The following ZNF638 variants were observed in gnomAD, a reference collection of about 807,000 sequenced individuals.
ZNF638 encodes zinc finger protein 638.
A neutral mutation model predicts 195.6 loss-of-function variants in ZNF638; 46 were observed. The ratio of observed to expected loss-of-function variants is 0.24; its 90% CI spans 0.19 to 0.30. The LOEUF is 0.30. ZNF638 is among the 10% of genes least tolerant of loss of function. The pLI, the probability that ZNF638 is intolerant of heterozygous loss-of-function variation, is 1.00. For missense variants in ZNF638, 2,440 were observed against 2,325.3 expected, an observed-to-expected ratio of 1.05 and a Z score of -1.01; for synonymous variants, 845 against 772.0, an observed-to-expected ratio of 1.09 and a Z score of -1.57.
intron 11 of ZNF638, among the ~76,000 whole-genome samples, chr2:71,396,845 G>T (rs919603081): frequency 2.6e-5 from 4 of 152,174 alleles, no homozygotes; most frequent in African/African-American, 9.7e-5. Context: ...TACTGGGAAG[G>T]CTGGGGCAGG....
chr2:71,377,860 T>C (rs759717486), intron 8 of ZNF638, among the ~76,000 whole-genome samples: 10 of 152,228 alleles, frequency 6.6e-5, no homozygotes, highest in Non-Finnish European at 1.5e-4. Context: ...AGTTTAACTA[T>C]ACAAAGAAAT....
At chr2:71,386,470 C>T (rs1259017331) in intron 10 of ZNF638, among the ~76,000 whole-genome samples, 1 of 152,070 alleles carries the variant, frequency 6.6e-6, no homozygotes, top group Non-Finnish European at 1.5e-5. Flanking sequence ...TGAGAATATG[C>T]ATCAACACCT....
chr2:71,396,111 A>G (rs2079888241), intron 10 of ZNF638, 30 bp from the exon 11 acceptor site: 1 of 1,598,338 alleles, frequency 6.3e-7, no homozygotes, highest in East Asian at 2.2e-5. Flanking sequence ...TTTGTAATGT[A>G]GTACTTAAAT....
chr2:71,393,016 GATA>G (rs774656035), intron 10 of ZNF638, among the ~76,000 whole-genome samples: 7 of 152,126 alleles, frequency 4.6e-5, no homozygotes, highest in Non-Finnish European at 7.3e-5. Flanking sequence ...AATTAAAACT[GATA>G]ATAATCTGGC....
intron 1 of ZNF638, among the ~76,000 whole-genome samples, chr2:71,335,748 G>C (rs1032244872): frequency 1.3e-5 from 2 of 152,100 alleles, no homozygotes; most frequent in African/African-American, 4.8e-5. Flanking sequence ...GTGTTTAGAA[G>C]AAAACATGCA....
intron 21 of ZNF638, among the ~76,000 whole-genome samples, chr2:71,420,404 G>T (rs776884450): frequency 2.0e-5 from 3 of 152,170 alleles, no homozygotes; most frequent in South Asian, 2.1e-4. Flanking sequence ...CCACAAATAA[G>T]AATGCTAAGT....
At chr2:71,422,501 T>A (rs1456017748) in intron 21 of ZNF638, among the ~76,000 whole-genome samples, 1 of 152,222 alleles carries the variant, frequency 6.6e-6, no homozygotes, top group Non-Finnish European at 1.5e-5. Flanking sequence ...ATTTGAAGTG[T>A]CTCAGATTCA....
intron 4 of ZNF638, among the ~76,000 whole-genome samples, chr2:71,363,578 T>A (rs1304673647): frequency 6.6e-6 from 1 of 152,228 alleles, no homozygotes; most frequent in African/African-American, 2.4e-5. Flanking sequence ...GCATAATCTT[T>A]CAGGAAAAAA....
At chr2:71,386,873 C>CT (rs896057050) in intron 10 of ZNF638, among the ~76,000 whole-genome samples, 3 of 150,748 alleles carry the variant, frequency 2.0e-5, no homozygotes, top group Admixed American at 6.6e-5. Context: ...TTCTTTTCTT[C>CT]TTTTTTTTCT....
chr2:71,426,868 T>A lies in ZNF638; in HGVS notation c.4999T>A (p.Ser1667Thr). ...HSEPKDVTVL[S>T]VAEEQDLLKQ... ...TGAACCTAAAGATGTTACTGTTCTG[T>A]CAGTGGCTGAAGAACAAGATCTCCT... Residue 1667 changes from serine to threonine, a missense_variant, in exon 24 of 28, where the codon TCA (serine) becomes ACA (threonine). Around this residue, in one of 5 missense-constraint regions of ZNF638, gnomAD observed 1,883 missense variants for 1,739.1 expected, o/e 1.08. Transcript: ENST00000264447. The A allele has an allele frequency of 6.2e-7, 1 of 1,614,200 alleles. No homozygotes were observed. Among genetic ancestry groups the A allele is most frequent in the Non-Finnish European group, 8.5e-7 (1 of 1,180,014 alleles).
chr2:71,400,634 C>A, intron 15 of ZNF638, 116 bp downstream of exon 15: 2 of 797,864 alleles, frequency 2.5e-6, no homozygotes, highest in South Asian at 2.4e-5. Flanking sequence ...AAATTCCAGT[C>A]ATTTGTGACT....
At chr2:71,336,123 G>C (rs542906854) in intron 1 of ZNF638, among the ~76,000 whole-genome samples, 1 of 152,290 alleles carries the variant, frequency 6.6e-6, no homozygotes, top group South Asian at 2.1e-4. Flanking sequence ...TGTAATCCCA[G>C]CACTTTGGGA....
chr2:71,352,156 A>G (rs2078950817), intron 2 of ZNF638, among the ~76,000 whole-genome samples: 1 of 152,086 alleles, frequency 6.6e-6, no homozygotes, highest in Non-Finnish European at 1.5e-5. Context: ...TGGGTCTTGA[A>G]TTGAGGCTTT....
At chr2:71,390,634 A>G (rs6757817) in intron 10 of ZNF638, among the ~76,000 whole-genome samples, 39,916 of 152,046 alleles carry the variant, frequency 0.26, 6,889 homozygotes, top group African/African-American at 0.49. Context: ...CGGGAGCCGT[A>G]GGAGTGTATT....
chr2:71,393,369 A>C (rs765610715), intron 10 of ZNF638: 1 of 715,890 alleles, frequency 1.4e-6, no homozygotes, highest in South Asian at 1.5e-5. Flanking sequence ...GGAAGATGAT[A>C]TGCTTGTGTT....
intron 7 of ZNF638, among the ~76,000 whole-genome samples, chr2:71,368,965 C>T (rs1573061442): frequency 6.6e-6 from 1 of 152,196 alleles, no homozygotes; most frequent in African/African-American, 2.4e-5. Flanking sequence ...TAAGTATTTT[C>T]TGTGGGTTAT....
chr2:71,401,918 G>T lies in ZNF638; in HGVS notation c.2698-38G>T, dbSNP rs373288776. ...TAAACTTAAGTAAATATGAAACAAA[G>T]AAATTTTAATAACAGGTTTTAAAAA... On this transcript the variant is annotated intron_variant, in intron 15 of 27. Coordinates refer to ENST00000264447, the MANE Select transcript of ZNF638 (RefSeq NM_014497.5). 7.4e-5 allele frequency: 113 copies of T among 1,519,930 alleles called. 1 individual carries two copies. The South Asian group carries it at 1.1e-3, about 15-fold the overall frequency. 94.2% of individuals were successfully genotyped at this position (1,519,930 alleles called of 1,614,324 possible).
intron 6 of ZNF638, among the ~76,000 whole-genome samples, chr2:71,367,781 T>G (rs952200535): frequency 9.3e-5 from 14 of 149,812 alleles, no homozygotes; most frequent in African/African-American, 3.2e-4. Context: ...ATGTTGCCCA[T>G]CCTGGTCTTA....
At chr2:71,427,495 T>C in intron 24 of ZNF638, 81 bp downstream of exon 24, 1 of 1,047,390 alleles carries the variant, frequency 9.5e-7, no homozygotes, top group African/African-American at 1.6e-5. Flanking sequence ...TGTTGTGGCA[T>C]TACCAATAAT....
Sources: gnomAD v4.1 joint callset for allele counts (sites outside exome capture counted in the v4.1 genomes callset) on GRCh38, gnomAD v4.1.1 for gene constraint, gnomAD v4.1.1 regional missense constraint, MANE v1.5 for transcripts, NCBI Gene and HGNC (gene_info 2026-07-23, HGNC 2026-07-21) for gene names.